COL25A1: variants seen among roughly 807,000 people sequenced by gnomAD.
The protein encoded by COL25A1 is collagen type XXV alpha 1 chain, also known as collagen alpha-1(XXV) chain.
In COL25A1, 103 loss-of-function variants were observed where a neutral mutation model predicts 128.4. That is an observed-to-expected ratio of 0.80 (90% CI 0.68 to 0.94). COL25A1 has a LOEUF of 0.94. Ranked by LOEUF, COL25A1 falls within the 40% of genes least tolerant of loss-of-function variation. The pLI, the probability that COL25A1 is intolerant of heterozygous loss-of-function variation, is 0.00. For synonymous variants in COL25A1, 279 were observed against 277.2 expected (o/e 1.01, Z -0.06); for missense variants, 745 against 840.0 (o/e 0.89, Z 1.40).
chr4:108,840,099 G>A lies in COL25A1; in HGVS notation c.1656+1596C>T, dbSNP rs371319564. ...TCTACTAAAAATACAAAAATTAGCCGGGCATGGTGGTGGGTGCCTGTAATC... is the reference window on the plus strand; with the variant it reads ...TCTACTAAAAATACAAAAATTAGCCAGGCATGGTGGTGGGTGCCTGTAATC... On this transcript the variant is annotated intron_variant, in intron 31 of 37. Coordinates refer to ENST00000399132, the MANE Select transcript of COL25A1 (RefSeq NM_198721.4). Among the ~76,000 whole-genome samples the A allele has an allele frequency of 4.5e-3, 678 of 151,952 alleles. 6 individuals are homozygous for A. Among genetic ancestry groups the A allele is most frequent in the Middle Eastern group, 0.01 (3 of 294 alleles).
intron 6 of COL25A1, among the ~76,000 whole-genome samples, chr4:109,000,307 T>A (rs1417601624): frequency 6.6e-6 from 1 of 152,208 alleles, no homozygotes; most frequent in Non-Finnish European, 1.5e-5. Flanking sequence ...GACATAATTA[T>A]CTCTGCTGTA....
chr4:108,875,708 C>G (rs1019559201), intron 19 of COL25A1, among the ~76,000 whole-genome samples: 2 of 152,162 alleles, frequency 1.3e-5, no homozygotes, highest in Non-Finnish European at 2.9e-5. Context: ...AATCTCATTA[C>G]TGGGTATATA....
At chr4:108,974,902 C>T (rs1332948263) in intron 6 of COL25A1, among the ~76,000 whole-genome samples, 1 of 152,168 alleles carries the variant, frequency 6.6e-6, no homozygotes, top group East Asian at 1.9e-4. Context: ...TGTCACCACC[C>T]TCTACCAACA....
chr4:109,054,504 AT>A (rs1417376489), intron 3 of COL25A1, among the ~76,000 whole-genome samples: 4 of 152,216 alleles, frequency 2.6e-5, no homozygotes, highest in African/African-American at 7.2e-5. Flanking sequence ...TTACTGTCAT[AT>A]TCATCAATAA....
chr4:109,279,207 T>A (rs1055804377), intron 3 of COL25A1, among the ~76,000 whole-genome samples: 1 of 152,150 alleles, frequency 6.6e-6, no homozygotes, highest in Non-Finnish European at 1.5e-5. Flanking sequence ...CTATTTTAAT[T>A]TCTGCATTAA....
At chr4:109,145,909 C>G (rs1392835641) in intron 3 of COL25A1, among the ~76,000 whole-genome samples, 1 of 152,098 alleles carries the variant, frequency 6.6e-6, no homozygotes, top group South Asian at 2.1e-4. Flanking sequence ...TTGGATATAT[C>G]TCCAAATATC....
At chr4:109,188,841 G>T (rs1424013149) in intron 3 of COL25A1, among the ~76,000 whole-genome samples, 1 of 151,792 alleles carries the variant, frequency 6.6e-6, no homozygotes, top group African/African-American at 2.4e-5. Context: ...GAATCCAGAA[G>T]AAGAAAACAG....
chr4:109,165,646 G>A (rs1449830959), intron 3 of COL25A1, among the ~76,000 whole-genome samples: 1 of 152,148 alleles, frequency 6.6e-6, no homozygotes, highest in African/African-American at 2.4e-5. Context: ...GAGCCTGGGA[G>A]GTTGAGGCTG....
Position 109,290,409 on chromosome 4 carries a change from G to T in COL25A1, c.367+10174C>A, listed in dbSNP as rs114962731. ...TTGGATCATTAAATAATTTTGTACAGAGGAAATTATATGCAAGTACATAAA... is the reference window on the plus strand; with the variant it reads ...TTGGATCATTAAATAATTTTGTACATAGGAAATTATATGCAAGTACATAAA... On this transcript the variant is annotated intron_variant, in intron 3 of 37. Coordinates refer to ENST00000399132, the MANE Select transcript of COL25A1 (RefSeq NM_198721.4). Among the ~76,000 whole-genome samples the T allele has an allele frequency of 8.4e-3, 1,273 of 152,112 alleles. 24 individuals carry two copies. Among genetic ancestry groups the T allele is most frequent in the African/African-American group, 0.028 (1,181 of 41,496 alleles).
intron 26 of COL25A1, among the ~76,000 whole-genome samples, chr4:108,849,843 T>C (rs548958803): frequency 6.6e-6 from 1 of 151,822 alleles, no homozygotes; most frequent in Admixed American, 6.6e-5. Flanking sequence ...CTTTCCCTGG[T>C]AAAAACTTTA....
intron 30 of COL25A1, 89 bp from the exon 31 acceptor site, chr4:108,841,810 T>A: frequency 1.9e-6 from 2 of 1,046,690 alleles, no homozygotes; most frequent in Admixed American, 1.8e-5. Context: ...AAAAGAGATG[T>A]GAGACAAGCA....
intron 20 of COL25A1, among the ~76,000 whole-genome samples, chr4:108,866,895 CAATT>C (rs778727006): frequency 1.3e-5 from 2 of 152,284 alleles, no homozygotes; most frequent in East Asian, 1.9e-4. Context: ...ATTCAGCTGA[CAATT>C]AACCTCAAAG....
chr4:109,006,197 A>T (rs1360098584), intron 6 of COL25A1, among the ~76,000 whole-genome samples: 1 of 151,152 alleles, frequency 6.6e-6, no homozygotes, highest in African/African-American at 2.4e-5. Flanking sequence ...ACAACTTAAA[A>T]ACCCATAACA....
At chr4:109,225,598 G>A (rs906773538) in intron 3 of COL25A1, among the ~76,000 whole-genome samples, 15 of 152,072 alleles carry the variant, frequency 9.9e-5, no homozygotes, top group African/African-American at 3.6e-4. Context: ...TTCTACTACT[G>A]GGTATATACC....
intron 5 of COL25A1, among the ~76,000 whole-genome samples, chr4:109,037,416 G>T (rs186899056): frequency 8.4e-4 from 128 of 152,270 alleles, no homozygotes; most frequent in Non-Finnish European, 1.6e-3. Context: ...AGGCTGTCTG[G>T]CATGGTCTGC....
chr4:108,945,009 T>C (rs919041302), intron 8 of COL25A1, among the ~76,000 whole-genome samples: 1 of 152,134 alleles, frequency 6.6e-6, no homozygotes, highest in African/African-American at 2.4e-5. Flanking sequence ...AAAAATCCCA[T>C]GATTTGGGCT....
At chr4:109,012,908 C>A (rs1756780312) in intron 5 of COL25A1, among the ~76,000 whole-genome samples, 1 of 152,242 alleles carries the variant, frequency 6.6e-6, no homozygotes. Context: ...CTGGTGCGAT[C>A]CACTAGGCGA....
intron 23 of COL25A1, among the ~76,000 whole-genome samples, chr4:108,860,059 A>G (rs982048239): frequency 6.6e-6 from 1 of 152,152 alleles, no homozygotes; most frequent in Non-Finnish European, 1.5e-5. Flanking sequence ...CTTTATTCAT[A>G]TTTATTAAAG....
chr4:109,099,614 A>G (rs921764747), intron 3 of COL25A1, among the ~76,000 whole-genome samples: 2 of 139,140 alleles, frequency 1.4e-5, no homozygotes, highest in Non-Finnish European at 3.0e-5. Context: ...AGGTTCTCCC[A>G]AAGTTATAAA....
Sources: gnomAD v4.1 joint callset for allele counts (sites outside exome capture counted in the v4.1 genomes callset) on GRCh38, gnomAD v4.1.1 for gene constraint, MANE v1.5 for transcripts, NCBI Gene and HGNC (gene_info 2026-07-23, HGNC 2026-07-21) for gene names.